The following SLC6A15 variants were observed in gnomAD, a reference collection of about 807,000 sequenced individuals.
SLC6A15 encodes the protein solute carrier family 6 member 15.
Under a neutral mutation model 68.5 loss-of-function variants are expected in SLC6A15, and 33 were observed. The observed-to-expected ratio is 0.48, with a 90% CI of 0.37 to 0.64. The LOEUF is 0.64. SLC6A15 is among the 30% of genes least tolerant of loss of function. The pLI is 0.00. For missense variants in SLC6A15, 747 were observed against 874.3 expected (o/e 0.85, Z 1.84); for synonymous variants, 347 against 301.0 (o/e 1.15, Z -1.58).
chr12:84,894,426 T>C (rs562963736), intron 1 of SLC6A15, among the ~76,000 whole-genome samples: 60 of 152,150 alleles, frequency 3.9e-4, no homozygotes, highest in Admixed American at 7.2e-4. Context: ...ATGCCTCTCT[T>C]AACCTCAGTT....
chr12:84,885,926 T>G lies in SLC6A15; in HGVS notation c.432A>C (p.Gly144=). ...GGAAACTTACTACACAACTTGCAAATCCAATCCCGCCCAGTTTAGGGCTTA... is the reference window on the plus strand; with the variant it reads ...GGAAACTTACTACACAACTTGCAAAGCCAATCCCGCCCAGTTTAGGGCTTA... ...NYISPKLGGI[G]FASCVVCYFV... is the part of the protein sequence containing the mutation. Residue 144 remains glycine, a synonymous_variant, in exon 3 of 12, where the codon GGA becomes GGC. Transcript: ENST00000266682. 1 of 1,608,104 alleles carries G rather than the reference T, an allele frequency of 6.2e-7. No individual in the cohort carries two copies. The highest frequency in any genetic ancestry group is 8.5e-7 in the Non-Finnish European group (1 of 1,177,462).
chr12:84,872,996 C>T, intron 7 of SLC6A15, 91 bp downstream of exon 7: 1 of 1,436,530 alleles, frequency 7.0e-7, no homozygotes, highest in Non-Finnish European at 9.3e-7. Flanking sequence ...ACATGTATCT[C>T]ATAAATATGT....
intron 5 of SLC6A15, chr12:84,883,445 T>C (rs1871923944): frequency 8.8e-7 from 1 of 1,134,142 alleles, no homozygotes. Context: ...TTAGAACACC[T>C]ACAGCAGAGA....
At chr12:84,894,217 C>T (rs1872540038) in intron 1 of SLC6A15, among the ~76,000 whole-genome samples, 1 of 152,004 alleles carries the variant, frequency 6.6e-6, no homozygotes, top group Non-Finnish European at 1.5e-5. Flanking sequence ...TGGAAGAAAA[C>T]AACCTGACAT....
At chr12:84,885,704 G>C in intron 3 of SLC6A15, 143 bp from the exon 4 acceptor site, 1 of 1,080,382 alleles carries the variant, frequency 9.3e-7, no homozygotes, top group Non-Finnish European at 1.3e-6. Flanking sequence ...TTTCTAAAAA[G>C]TTAATGTCTT....
chr12:84,901,806 T>A (rs1329867759), intron 1 of SLC6A15, among the ~76,000 whole-genome samples: 1 of 151,640 alleles, frequency 6.6e-6, no homozygotes, highest in Non-Finnish European at 1.5e-5. Context: ...CTCCCTGTCT[T>A]TGACAACTTA....
chr12:84,862,441 C>CTTTGCTAAT, intron 11 of SLC6A15, among the ~76,000 whole-genome samples: 1 of 152,168 alleles, frequency 6.6e-6, no homozygotes, highest in Non-Finnish European at 1.5e-5. Context: ...TTAAATGTGT[C>CTTTGCTAAT]ATATATCTTT....
intron 5 of SLC6A15, chr12:84,883,207 C>T (rs1228973596): frequency 1.5e-5 from 15 of 983,524 alleles, no homozygotes; most frequent in Admixed American, 1.2e-4. Flanking sequence ...AATTACTTTC[C>T]TAGAGCGTCC....
At chr12:84,889,592 G>A (rs979138943) in intron 2 of SLC6A15, among the ~76,000 whole-genome samples, 2 of 152,144 alleles carry the variant, frequency 1.3e-5, no homozygotes, top group Non-Finnish European at 2.9e-5. Flanking sequence ...CCCATGTCAT[G>A]AAAGACTACG....
At chr12:84,881,082 A>G (rs972309604) in intron 5 of SLC6A15, 3 of 157,292 alleles carry the variant, frequency 1.9e-5, no homozygotes, top group African/African-American at 7.2e-5. Flanking sequence ...TTAGCATAGT[A>G]GTAGTAACAA....
intron 5 of SLC6A15, chr12:84,883,217 C>T (rs1871910383): frequency 1.0e-6 from 1 of 984,302 alleles, no homozygotes; most frequent in Admixed American, 6.2e-5. Context: ...CTAGAGCGTC[C>T]TTTAAAAATA....
chr12:84,895,614 T>G (rs1299376611), intron 1 of SLC6A15, among the ~76,000 whole-genome samples: 1 of 152,032 alleles, frequency 6.6e-6, no homozygotes, highest in Non-Finnish European at 1.5e-5. Flanking sequence ...CCCAAAGTGC[T>G]AGGATTACAA....
intron 3 of SLC6A15, 127 bp from the exon 4 acceptor site, chr12:84,885,688 T>G: frequency 1.8e-6 from 2 of 1,131,094 alleles, no homozygotes; most frequent in South Asian, 3.4e-5. Context: ...TTGGGACACA[T>G]TATCTTTTCT....
chr12:84,866,477 CAT>C (rs1188753773), intron 10 of SLC6A15, among the ~76,000 whole-genome samples: 1 of 152,124 alleles, frequency 6.6e-6, no homozygotes, highest in Non-Finnish European at 1.5e-5. Context: ...CAGCAAATGA[CAT>C]ATACATCTCA....
chr12:84,872,565 T>A (rs1871332262), intron 8 of SLC6A15, 37 bp downstream of exon 8: 1 of 1,545,786 alleles, frequency 6.5e-7, no homozygotes, highest in Admixed American at 1.8e-5. Context: ...TTCAAGTGAA[T>A]GATAATTATT....
chr12:84,910,535 T>C (rs531311585), intron 1 of SLC6A15, among the ~76,000 whole-genome samples: 1 of 152,276 alleles, frequency 6.6e-6, no homozygotes, highest in South Asian at 2.1e-4. Flanking sequence ...TGTTGTAAGC[T>C]CCCTGCTATT....
intron 2 of SLC6A15, among the ~76,000 whole-genome samples, chr12:84,889,397 G>A (rs946365562): frequency 4.6e-5 from 7 of 151,878 alleles, no homozygotes; most frequent in Non-Finnish European, 1.0e-4. Flanking sequence ...GGCTGAGGCA[G>A]GAGAATGGCA....
intron 2 of SLC6A15, 108 bp downstream of exon 2, chr12:84,891,724 A>G (rs1283348962): frequency 1.3e-5 from 15 of 1,182,852 alleles, no homozygotes; most frequent in Non-Finnish European, 1.7e-5. Flanking sequence ...TAGCTTTACA[A>G]TGAAATTGAA....
chr12:84,867,725 A>T (rs1238928454), intron 9 of SLC6A15: 1 of 152,170 alleles, frequency 6.6e-6, no homozygotes, highest in East Asian at 1.9e-4. Context: ...ACCAGACTTA[A>T]CCTCAGCAAC....
Sources: gnomAD v4.1 joint callset for allele counts (sites outside exome capture counted in the v4.1 genomes callset) on GRCh38, gnomAD v4.1.1 for gene constraint, MANE v1.5 for transcripts, NCBI Gene and HGNC (gene_info 2026-07-23, HGNC 2026-07-21) for gene names.